Variants in TOGARAM2 observed in about 807,000 individuals in gnomAD.
TOGARAM2 encodes TOG array regulator of axonemal microtubules 2.
TOGARAM2 carries 85 observed loss-of-function variants against 93.3 expected under a neutral mutation model. That is an observed-to-expected ratio of 0.91 (90% CI 0.76 to 1.09). The LOEUF (loss-of-function observed/expected upper bound fraction) is 1.09, where lower values mean the gene tolerates loss of function less well. Ranked by LOEUF, TOGARAM2 falls within the 50% of genes least tolerant of loss-of-function variation. TOGARAM2 has a pLI of 0.00. For synonymous variants in TOGARAM2, 593 were observed against 552.8 expected (o/e 1.07, Z -1.02); for missense variants, 1,277 against 1,334.5 (o/e 0.96, Z 0.67).
Position 28,999,188 on chromosome 2 carries a change from C to T in TOGARAM2, c.147C>T (p.Leu49=). Residue 49 remains leucine (L), a synonymous_variant, in exon 4 of 20, where the codon CTC becomes CTT. Transcript: ENST00000379558. ...NSSLPHGEGS[L]QPEPRALLNN... is the part of the protein sequence containing the mutation. ...CACCTCTGTCCCCCTCAGGTTCTCT[C>T]CAGCCTGAGCCAAGAGCCCTGCTGA... 2 of 1,611,896 alleles carry T rather than the reference C, an allele frequency of 1.2e-6. No homozygotes were observed. The highest frequency in any genetic ancestry group is 1.7e-6 in the Non-Finnish European group (2 of 1,178,730).
chr2:29,030,830 C>A (rs1181629493), intron 14 of TOGARAM2, among the ~76,000 whole-genome samples: 2 of 152,198 alleles, frequency 1.3e-5, no homozygotes, highest in Non-Finnish European at 2.9e-5. Context: ...CCACTCCAGA[C>A]CCTTCTTCGA....
intron 6 of TOGARAM2, 64 bp from the exon 7 acceptor site, chr2:29,011,391 T>A: frequency 6.5e-7 from 1 of 1,533,678 alleles, no homozygotes; most frequent in Non-Finnish European, 9.0e-7. Flanking sequence ...CACCCTGGGC[T>A]CCCCCAGCAG....
chr2:29,000,261 A>G (rs1335817818), intron 4 of TOGARAM2, among the ~76,000 whole-genome samples: 2 of 152,164 alleles, frequency 1.3e-5, no homozygotes, highest in African/African-American at 2.4e-5. Context: ...TGTTGAGCAG[A>G]TGAACAAGGG....
rs181580405 is a variant in TOGARAM2, at chr2:29,032,560, G to A, written c.2013-374G>A. Among the ~76,000 whole-genome samples the A allele has an allele frequency of 2.4e-4, 36 of 152,258 alleles. No individual in the cohort carries two copies. The East Asian group carries it at 5.2e-3, about 22-fold the overall frequency. On this transcript the variant is annotated intron_variant, in intron 14 of 19. Coordinates refer to ENST00000379558, the MANE Select transcript of TOGARAM2 (RefSeq NM_199280.4). Reference sequence around the variant, plus strand: ...GTACACTTTGGTATAGCCATTCAACGGAATATTTTGTAGCCATTAAAAAGG... The same window carrying A: ...GTACACTTTGGTATAGCCATTCAACAGAATATTTTGTAGCCATTAAAAAGG...
chr2:29,024,137 A>G lies in TOGARAM2; in HGVS notation c.1618-2A>G, dbSNP rs771873467. 230 of 1,566,690 alleles carry G rather than the reference A, an allele frequency of 1.5e-4. No homozygotes were observed. Among genetic ancestry groups the G allele is most frequent in the Non-Finnish European group, 1.8e-4 (212 of 1,155,520 alleles). On this transcript the variant is annotated splice_acceptor_variant, in intron 12 of 19. Coordinates refer to ENST00000379558, the MANE Select transcript of TOGARAM2 (RefSeq NM_199280.4). LOFTEE classifies it high-confidence loss of function. ...CTGGAGGGCCTCTCTCCTCTCTCCA[A>G]GGTCACCAACCTGCGGTCCAAGGTG...
At position 28,999,642 on chromosome 2, in the gene TOGARAM2, T is replaced by G. The variant is rs535800120; in HGVS notation, c.427+174T>G. On this transcript the variant is annotated intron_variant, in intron 4 of 19. Transcript: ENST00000379558. ...ATGGCTTCAGCGACCTCCTTGGAGC[T>G]GAGCCTCCCTCCCGGGCTCTGCAGT... 5.3e-5 allele frequency among the ~76,000 whole-genome samples: 8 copies of G among 152,348 alleles called. 1 individual carries two copies. In the East Asian group the frequency reaches 1.5e-3, roughly 29 times the overall value.
At chr2:28,960,542 G>A (rs143626288) in intron 1 of TOGARAM2, among the ~76,000 whole-genome samples, 101 of 152,172 alleles carry the variant, frequency 6.6e-4, no homozygotes, top group African/African-American at 2.2e-3. Context: ...GCTCTAAAAC[G>A]GTCTCTTACC....
intron 18 of TOGARAM2, among the ~76,000 whole-genome samples, chr2:29,037,236 G>A (rs911377639): frequency 4.6e-5 from 7 of 152,168 alleles, no homozygotes; most frequent in Admixed American, 3.9e-4. Flanking sequence ...CTTCTGGAAC[G>A]TTAAGGGAAA....
At chr2:29,035,735 C>T (rs541643085) in intron 17 of TOGARAM2, 79 bp downstream of exon 17, 65 of 1,264,314 alleles carry the variant, frequency 5.1e-5, no homozygotes, top group Admixed American at 7.0e-5. Context: ...CTCTGAATGG[C>T]GTTGGACATG....
intron 1 of TOGARAM2, among the ~76,000 whole-genome samples, chr2:28,985,997 C>T (rs1341291319): frequency 6.6e-6 from 1 of 151,612 alleles, no homozygotes; most frequent in Non-Finnish European, 1.5e-5. Flanking sequence ...CCTGTAATCC[C>T]AGCTACTTGC....
At chr2:28,984,336 A>G (rs1007593415) in intron 1 of TOGARAM2, among the ~76,000 whole-genome samples, 1 of 152,114 alleles carries the variant, frequency 6.6e-6, no homozygotes, top group African/African-American at 2.4e-5. Context: ...TCTGGCTCCT[A>G]TTCAAGAAAG....
In TOGARAM2 at chr2:28,999,466, G is replaced by A. The variant is rs373400967; in HGVS notation, c.425G>A (p.Arg142Gln). Residue 142 changes from arginine (R) to glutamine (Q), a missense_variant and splice_region_variant, in exon 4 of 20, where the codon CGA becomes CAA. Physicochemically the swap from Arg to Gln is conservative, Grantham distance 43 (BLOSUM62 1). Transcript: ENST00000379558. ...RLSEGLAASS[R>Q]ASLDPGGGPQ... ...TCAGAGGGCTTGGCAGCGTCTTCCC[G>A]AGGTGAGCACTGGCCCCTGCCCACC... is the stretch of plus-strand genomic sequence containing the variant. The A allele has an allele frequency of 1.0e-5, 16 of 1,600,164 alleles. No individual in the cohort carries two copies. The highest frequency in any genetic ancestry group is 4.5e-5 in the South Asian group (4 of 88,422).
chr2:29,035,573 T>TTCCGG lies in TOGARAM2; in HGVS notation c.2339_2343dup (p.Arg782GlyfsTer43), dbSNP rs747462412. The TTCCGG allele has an allele frequency of 2.9e-3, 4,665 of 1,592,506 alleles. 6 individuals carry two copies. Among genetic ancestry groups the TTCCGG allele is most frequent in the Non-Finnish European group, 3.4e-3 (3,922 of 1,169,152 alleles). ...GACACGGCTGCTGGAGGCCAAGGAC[T>TTCCGG]TCCGGTCCCGGATGGAAGGCGTGGG... On this transcript the variant is annotated frameshift_variant, in exon 17 of 20. Coordinates refer to ENST00000379558, the MANE Select transcript of TOGARAM2 (RefSeq NM_199280.4). LOFTEE classifies it high-confidence loss of function.
rs1665002333 is a variant in TOGARAM2 at position 29,022,249 on chromosome 2, T to C, written c.1452T>C (p.Pro484=). The C allele has an allele frequency of 6.2e-7, 1 of 1,613,912 alleles. No individual in the cohort carries two copies. Among genetic ancestry groups the C allele is most frequent in the South Asian group, 1.1e-5 (1 of 91,090 alleles). ...TTAGAGCCTGTAAGGAGTTGAGGCC[T>C]TTCTCGAACCCGGAGCTGGGGCTGA... is the stretch of plus-strand genomic sequence containing the variant. ...MDLRACKELR[P]FSNPELGLRD... The change falls in exon 11 of 20, where the codon CCT becomes CCC. Residue 484 remains proline, a synonymous_variant. Coordinates refer to ENST00000379558, the MANE Select transcript of TOGARAM2 (RefSeq NM_199280.4).
chr2:29,045,651 A>G lies in TOGARAM2; in HGVS notation c.2722+241A>G, dbSNP rs1342115397. 26 of 516,146 alleles carry G rather than the reference A, an allele frequency of 5.0e-5. 1 individual carries two copies. The highest frequency in any genetic ancestry group is 7.0e-5 in the Non-Finnish European group (20 of 285,168). The allele number at this position is 516,146 out of a possible 1,614,324, so 32.0% of individuals were successfully genotyped here. A position where few individuals can be genotyped will look rare whatever the true frequency, so the allele number is the denominator to read the frequency against. On this transcript the variant is annotated intron_variant, in intron 19 of 19. Coordinates refer to ENST00000379558, the MANE Select transcript of TOGARAM2 (RefSeq NM_199280.4). ...GCAAAAGTGTTTTTAAAAAACTGTTACAGGTTGAATCTCCCTAATCAGAAA... is the reference window on the plus strand; with the variant it reads ...GCAAAAGTGTTTTTAAAAAACTGTTGCAGGTTGAATCTCCCTAATCAGAAA...
At chr2:28,991,098 A>G (rs530239640) in intron 1 of TOGARAM2, among the ~76,000 whole-genome samples, 65 of 151,594 alleles carry the variant, frequency 4.3e-4, no homozygotes, top group Non-Finnish European at 8.4e-4. Context: ...AGCAATTACT[A>G]TATGCCGGCA....
intron 1 of TOGARAM2, among the ~76,000 whole-genome samples, chr2:28,986,207 C>G (rs79679109): frequency 0.026 from 3,894 of 152,060 alleles, 74 homozygotes; most frequent in Non-Finnish European, 0.035. Context: ...ACATGGCAGC[C>G]CTGCTTGTCA....
chr2:28,983,192 ATATATATTTTTTTTTTTTTTTTTT>A (rs1672294460), intron 1 of TOGARAM2, among the ~76,000 whole-genome samples: 3 of 48,914 alleles, frequency 6.1e-5, no homozygotes, highest in African/African-American at 1.8e-4. Flanking sequence ...ATATATATAT[ATATATATTTTTTTTTTTTTTTTTT>A]TTTTTTTTTT....
At chr2:29,006,587 G>A (rs1477137565) in intron 6 of TOGARAM2, among the ~76,000 whole-genome samples, 1 of 152,070 alleles carries the variant, frequency 6.6e-6, no homozygotes, top group Non-Finnish European at 1.5e-5. Context: ...CCCGTTTCTT[G>A]GGGCCTGATG....
Sources: gnomAD v4.1 joint callset for allele counts (sites outside exome capture counted in the v4.1 genomes callset) on GRCh38, gnomAD v4.1.1 for gene constraint, MANE v1.5 for transcripts, NCBI Gene and HGNC (gene_info 2026-07-23, HGNC 2026-07-21) for gene names.